The following ISM1 variants were observed in gnomAD, a reference collection of about 807,000 sequenced individuals.
ISM1 encodes isthmin-1.
A neutral mutation model predicts 46.3 loss-of-function variants in ISM1; 25 were observed. The observed-to-expected ratio is 0.54, with a 90% CI of 0.39 to 0.75. ISM1 has a LOEUF of 0.75. Ranked by LOEUF, ISM1 falls within the 30% of genes least tolerant of loss-of-function variation. The pLI, the probability that ISM1 is intolerant of heterozygous loss-of-function variation, is 0.00. For missense variants in ISM1, 536 were observed against 625.4 expected, an observed-to-expected ratio of 0.86 and a Z score of 1.52; for synonymous variants, 255 against 256.7, an observed-to-expected ratio of 0.99 and a Z score of 0.06.
chr20:13,225,030 T>G (rs892862822), intron 1 of ISM1, among the ~76,000 whole-genome samples: 33 of 149,808 alleles, frequency 2.2e-4, no homozygotes, highest in Admixed American at 4.0e-4. Flanking sequence ...TTTTTTTGTA[T>G]TTTTAGTAGA....
intron 1 of ISM1, among the ~76,000 whole-genome samples, chr20:13,239,903 C>T (rs1037681534): frequency 1.3e-5 from 2 of 152,222 alleles, no homozygotes; most frequent in Non-Finnish European, 2.9e-5. Context: ...CATTTCTGAA[C>T]ATCTGTAAAA....
the ISM1 span, among the ~76,000 whole-genome samples, chr20:13,320,201 CTT>C: frequency 2.6e-5 from 4 of 152,162 alleles, no homozygotes; most frequent in Non-Finnish European, 5.9e-5. Context: ...AGGATGTTGT[CTT>C]TTTCCCTGGA....
chr20:13,303,454 G>T (rs1381820937), downstream of ISM1, among the ~76,000 whole-genome samples: 1 of 152,236 alleles, frequency 6.6e-6, no homozygotes, highest in African/African-American at 2.4e-5. Flanking sequence ...TGAAAACAAA[G>T]ATGGGTCTGC....
chr20:13,255,005 G>C (rs532171420), intron 1 of ISM1, among the ~76,000 whole-genome samples: 3 of 152,192 alleles, frequency 2.0e-5, no homozygotes, highest in Non-Finnish European at 4.4e-5. Flanking sequence ...GAACAGACAC[G>C]GTCCCTGCCT....
At chr20:13,320,362 T>C in the ISM1 span, among the ~76,000 whole-genome samples, 2 of 152,180 alleles carry the variant, frequency 1.3e-5, no homozygotes, top group African/African-American at 2.4e-5. Context: ...CCTAAAAGCA[T>C]TGACTTCACA....
chr20:13,288,989 T>C (rs867150156), intron 4 of ISM1, among the ~76,000 whole-genome samples: 2 of 152,124 alleles, frequency 1.3e-5, no homozygotes, highest in Non-Finnish European at 2.9e-5. Context: ...GGTTTCACCA[T>C]GTTGGCCAGG....
chr20:13,325,838 A>G, the ISM1 span, among the ~76,000 whole-genome samples: 6 of 152,198 alleles, frequency 3.9e-5, no homozygotes, highest in African/African-American at 1.4e-4. Flanking sequence ...TTTAAAAGAA[A>G]ACATTGTTCT....
downstream of ISM1, among the ~76,000 whole-genome samples, chr20:13,303,443 G>A (rs115539662): frequency 6.6e-6 from 1 of 152,198 alleles, no homozygotes; most frequent in African/African-American, 2.4e-5. Context: ...TGATCCATGG[G>A]TGAAAACAAA....
intron 4 of ISM1, among the ~76,000 whole-genome samples, chr20:13,291,922 T>C (rs1329467272): frequency 6.6e-6 from 1 of 152,222 alleles, no homozygotes; most frequent in African/African-American, 2.4e-5. Flanking sequence ...TCTTCCCATT[T>C]ACAGATGTAA....
the ISM1 span, among the ~76,000 whole-genome samples, chr20:13,319,306 C>T: frequency 6.6e-6 from 1 of 152,038 alleles, no homozygotes; most frequent in African/African-American, 2.4e-5. Context: ...GCTGCATGAA[C>T]TAGACACTTA....
chr20:13,236,145 G>C (rs1482384554), intron 1 of ISM1, among the ~76,000 whole-genome samples: 1 of 151,974 alleles, frequency 6.6e-6, no homozygotes, highest in Non-Finnish European at 1.5e-5. Context: ...GAATGGTCTC[G>C]ATCTCTTAAC....
At chr20:13,268,195 G>A (rs6131460) in intron 1 of ISM1, among the ~76,000 whole-genome samples, 1 of 118,862 alleles carries the variant, frequency 8.4e-6, no homozygotes, top group Non-Finnish European at 1.7e-5. Context: ...TCTTCACTTC[G>A]CTTCTCTTCT....
chr20:13,302,657 C>T (rs1301576646), downstream of ISM1, among the ~76,000 whole-genome samples: 1 of 152,192 alleles, frequency 6.6e-6, no homozygotes, highest in African/African-American at 2.4e-5. Flanking sequence ...TCTGCAGTCT[C>T]GTTGCAGTCC....
At chr20:13,307,572 C>T in the ISM1 span, among the ~76,000 whole-genome samples, 1 of 152,174 alleles carries the variant, frequency 6.6e-6, no homozygotes, top group Non-Finnish European at 1.5e-5. Context: ...AACCAGCACT[C>T]CCATGCCCCC....
chr20:13,250,164 C>T (rs906328811), intron 1 of ISM1, among the ~76,000 whole-genome samples: 53 of 152,218 alleles, frequency 3.5e-4, no homozygotes, highest in African/African-American at 1.0e-3. Context: ...GAAACGACCA[C>T]GTTGATAGGG....
Position 13,299,086 on chromosome 20 carries a change from T to C in ISM1, c.1022T>C (p.Ile341Thr). The C allele has an allele frequency of 6.2e-7, 1 of 1,613,768 alleles. No individual in the cohort carries two copies. Among genetic ancestry groups the C allele is most frequent in the East Asian group, 2.2e-5 (1 of 44,856 alleles). The change falls in exon 6 of 6, where the codon ATC (isoleucine) becomes ACC (threonine). Residue 341 changes from isoleucine to threonine, a missense_variant. Physicochemically the swap from Ile to Thr is moderately conservative, Grantham distance 89 (BLOSUM62 -1). This residue lies in a region of ISM1 where 169 missense variants were observed against 249.3 expected (regional missense o/e 0.68). Coordinates refer to ENST00000262487, the MANE Select transcript of ISM1 (RefSeq NM_080826.2). The surrounding 1 kb of genome is among the most constrained non-coding windows in gnomAD (Gnocchi z 5.8). ...AGCACGGCCGACATCTTCGACCGCA[T>C]CAAGCGCAAGGACTTCCGCTGGAAG... ...AYSTADIFDR[I>T]KRKDFRWKDA...
chr20:13,255,193 ACATTTAAGCT>A (rs1568672616), intron 1 of ISM1, among the ~76,000 whole-genome samples: 1 of 152,260 alleles, frequency 6.6e-6, no homozygotes, highest in Non-Finnish European at 1.5e-5. Context: ...TCTGGAGGTG[ACATTTAAGCT>A]GAGACTTGAA....
intron 1 of ISM1, among the ~76,000 whole-genome samples, chr20:13,261,216 C>T (rs2039985678): frequency 6.6e-6 from 1 of 152,070 alleles, no homozygotes; most frequent in East Asian, 1.9e-4. Context: ...GAATTCAAGA[C>T]CAGCCTGGCC....
the ISM1 span, among the ~76,000 whole-genome samples, chr20:13,313,893 G>A: frequency 6.6e-6 from 1 of 152,152 alleles, no homozygotes; most frequent in African/African-American, 2.4e-5. Context: ...TTGGCAACAT[G>A]CAAAAATAAA....
Sources: allele counts gnomAD v4.1 joint callset (sites outside exome capture counted in the v4.1 genomes callset), GRCh38; gene constraint gnomAD v4.1.1; regional missense constraint gnomAD v4.1.1; non-coding constraint Gnocchi (gnomAD v3.1); transcripts MANE v1.5; gene names NCBI Gene and HGNC (gene_info 2026-07-23, HGNC 2026-07-21).